FAM209A: variants seen among roughly 807,000 people sequenced by gnomAD.
FAM209A encodes the protein protein FAM209A.
Under a neutral mutation model 9.8 loss-of-function variants are expected in FAM209A, and 4 were observed. That is an observed-to-expected ratio of 0.41 (90% CI 0.20 to 0.94). The LOEUF (loss-of-function observed/expected upper bound fraction) is 0.94. Among genes scored for constraint, FAM209A ranks in the 40% least tolerant of loss-of-function variants. The pLI is 0.32. For missense variants in FAM209A, 205 were observed against 209.4 expected (o/e 0.98, Z 0.13); for synonymous variants, 55 against 77.8 (o/e 0.71, Z 1.54).
chr20:56,532,841 C>G, the FAM209A span, among the ~76,000 whole-genome samples: 2 of 152,066 alleles, frequency 1.3e-5, no homozygotes, highest in East Asian at 3.9e-4. Context: ...AATACCCACC[C>G]CCCACAACAT....
the FAM209A span, among the ~76,000 whole-genome samples, chr20:56,531,745 C>T: frequency 6.6e-6 from 1 of 152,152 alleles, no homozygotes; most frequent in Non-Finnish European, 1.5e-5. Context: ...CCTGCCTCAG[C>T]CTCCCAAGTA....
chr20:56,527,563 G>C (rs1362435814), downstream of FAM209A, among the ~76,000 whole-genome samples: 1 of 152,174 alleles, frequency 6.6e-6, no homozygotes, highest in East Asian at 1.9e-4. Flanking sequence ...GGCATCTCTG[G>C]GGCCGGTACC....
downstream of FAM209A, among the ~76,000 whole-genome samples, chr20:56,528,049 G>A (rs563888877): frequency 1.3e-5 from 2 of 152,300 alleles, no homozygotes; most frequent in South Asian, 2.1e-4. Context: ...GGAGGTGGCA[G>A]TGAGCTGAGA....
At chr20:56,532,587 G>A in the FAM209A span, among the ~76,000 whole-genome samples, 46 of 147,170 alleles carry the variant, frequency 3.1e-4, 1 homozygote, top group Admixed American at 2.3e-3. Context: ...GGGTTCAAGT[G>A]ATTCTCCTGT....
chr20:56,531,195 C>T, the FAM209A span, among the ~76,000 whole-genome samples: 52 of 152,196 alleles, frequency 3.4e-4, no homozygotes, highest in East Asian at 9.8e-3. Flanking sequence ...ACTCAACCAT[C>T]TTTTTCTGGA....
Position 56,526,066 on chromosome 20 carries a change from G to T in FAM209A, c.512G>T (p.Ser171Ile). The T allele has an allele frequency of 6.3e-7, 1 of 1,593,156 alleles. No homozygotes were observed. Among genetic ancestry groups the T allele is most frequent in the Non-Finnish European group, 8.6e-7 (1 of 1,169,202 alleles). Residue 171 changes from serine to isoleucine, a missense_variant, in exon 2 of 2, where the codon AGC (serine) becomes ATC (isoleucine). Coordinates refer to ENST00000371328, the MANE Select transcript of FAM209A (RefSeq NM_001012971.4). Reference sequence around the variant, plus strand: ...GAAATATGGGGAGAAGAAAGCTCTAGCTGAATGGATTTGTGTGTCAGGAGA... The same window carrying T: ...GAAATATGGGGAGAAGAAAGCTCTATCTGAATGGATTTGTGTGTCAGGAGA... ...ICEIWGEESS[S>I]
the FAM209A span, among the ~76,000 whole-genome samples, chr20:56,531,710 C>T: frequency 0.048 from 7,300 of 152,190 alleles, 576 homozygotes; most frequent in African/African-American, 0.17. Flanking sequence ...ACTGCAACCT[C>T]TGCCTCCAAG....
chr20:56,531,914 C>A, the FAM209A span, among the ~76,000 whole-genome samples: 1 of 151,890 alleles, frequency 6.6e-6, no homozygotes, highest in African/African-American at 2.4e-5. Context: ...CAGGTGTGAG[C>A]CCCTGCCCCT....
downstream of FAM209A, among the ~76,000 whole-genome samples, chr20:56,527,035 A>G (rs1462215888): frequency 6.6e-6 from 1 of 152,166 alleles, no homozygotes; most frequent in Non-Finnish European, 1.5e-5. Context: ...CAAAATGTGG[A>G]TATTTTACAT....
At chr20:56,525,688 A>G in intron 1 of FAM209A, 116 bp from the exon 2 acceptor site, 1 of 1,061,976 alleles carries the variant, frequency 9.4e-7, no homozygotes, top group Non-Finnish European at 1.4e-6. Context: ...GAATATCTTC[A>G]GCTTTGTGGG....
downstream of FAM209A, among the ~76,000 whole-genome samples, chr20:56,529,673 A>G (rs551571064): frequency 7.2e-5 from 11 of 152,080 alleles, no homozygotes; most frequent in African/African-American, 2.7e-4. Flanking sequence ...TACTAAAAGT[A>G]CAAAAATTAG....
chr20:56,533,031 A>G, the FAM209A span: 1 of 421,058 alleles, frequency 2.4e-6, no homozygotes, highest in East Asian at 1.6e-4. Context: ...TGAAAAACAG[A>G]AACATGACGG....
chr20:56,526,015 C>T lies in FAM209A; in HGVS notation c.461C>T (p.Ala154Val), dbSNP rs1985516566. 1 of 1,614,046 alleles carries T rather than the reference C, an allele frequency of 6.2e-7. No homozygotes were observed. The highest frequency in any genetic ancestry group is 8.5e-7 in the Non-Finnish European group (1 of 1,179,966). Residue 154 changes from alanine (A) to valine (V), a missense_variant, in exon 2 of 2, where the codon GCA (alanine) becomes GTA (valine). Coordinates refer to ENST00000371328, the MANE Select transcript of FAM209A (RefSeq NM_001012971.4). Reference protein sequence around the residue: ...NLRLRKSEMPADPYHVTICEI... With the variant: ...NLRLRKSEMPVDPYHVTICEI... ...AGGCTTCGAAAGTCAGAGATGCCTG[C>T]AGATCCATACCATGTCACGATCTGT...
At chr20:56,533,185 C>T in the FAM209A span, 31 of 1,513,120 alleles carry the variant, frequency 2.0e-5, no homozygotes, top group Non-Finnish European at 2.7e-5. Flanking sequence ...CTCCTGTGAC[C>T]TGTAACCTCT....
At chr20:56,531,864 G>A in the FAM209A span, among the ~76,000 whole-genome samples, 81 of 152,148 alleles carry the variant, frequency 5.3e-4, no homozygotes, top group African/African-American at 1.9e-3. Flanking sequence ...CCTGACCTCA[G>A]GTGATCTGCC....
At chr20:56,529,745 C>T (rs769519754), downstream of FAM209A, among the ~76,000 whole-genome samples, 66 of 152,180 alleles carry the variant, frequency 4.3e-4, 1 homozygote, top group Non-Finnish European at 8.7e-4. Flanking sequence ...AGGAGAATCT[C>T]TTGAACCCAG....
chr20:56,525,596 A>T (rs548227905), intron 1 of FAM209A, among the ~76,000 whole-genome samples: 2 of 152,220 alleles, frequency 1.3e-5, no homozygotes, highest in East Asian at 3.9e-4. Context: ...CCCTAGAAAG[A>T]CCCAGCACTT....
downstream of FAM209A, among the ~76,000 whole-genome samples, chr20:56,527,619 G>A (rs1000892213): frequency 1.3e-5 from 2 of 152,240 alleles, no homozygotes; most frequent in African/African-American, 4.8e-5. Flanking sequence ...AGTCACCCAG[G>A]GCGCAAGGAA....
chr20:56,527,304 CT>C (rs1186791749), downstream of FAM209A, among the ~76,000 whole-genome samples: 1 of 152,116 alleles, frequency 6.6e-6, no homozygotes, highest in Non-Finnish European at 1.5e-5. Flanking sequence ...GAGCAAGCCC[CT>C]TCCTCTTTTG....
Sources: allele counts gnomAD v4.1 joint callset (sites outside exome capture counted in the v4.1 genomes callset), GRCh38; gene constraint gnomAD v4.1.1; transcripts MANE v1.5; gene names NCBI Gene and HGNC (gene_info 2026-07-23, HGNC 2026-07-21).